Variants in PAK1 observed in about 807,000 individuals in gnomAD.
PAK1 encodes the protein serine/threonine-protein kinase PAK 1.
Under a neutral mutation model 67.4 loss-of-function variants are expected in PAK1, and 29 were observed. The ratio of observed to expected loss-of-function variants is 0.43; its 90% CI spans 0.32 to 0.59. The LOEUF (loss-of-function observed/expected upper bound fraction) is 0.59, where lower values mean the gene tolerates loss of function less well. Among genes scored for constraint, PAK1 ranks in the 20% least tolerant of loss-of-function variants. PAK1 has a pLI of 0.07. For synonymous variants in PAK1, 223 were observed against 237.4 expected (o/e 0.94, Z 0.56); for missense variants, 337 against 670.7 (o/e 0.50, Z 5.50).
chr11:77,470,262 G>A (rs550381318), intron 1 of PAK1, among the ~76,000 whole-genome samples: 16 of 152,286 alleles, frequency 1.1e-4, no homozygotes, highest in African/African-American at 3.6e-4. Context: ...AAGTCTGCCT[G>A]TCAAAATGAT....
intron 13 of PAK1, 56 bp from the exon 14 acceptor site, chr11:77,332,923 C>T (rs540352461): frequency 1.4e-5 from 22 of 1,548,588 alleles, no homozygotes; most frequent in Non-Finnish European, 1.8e-5. Context: ...TCTCTTGTTC[C>T]CCATATACAA....
intron 1 of PAK1, among the ~76,000 whole-genome samples, chr11:77,440,323 C>T (rs571157480): frequency 9.9e-5 from 15 of 152,064 alleles, no homozygotes; most frequent in African/African-American, 3.4e-4. Flanking sequence ...TAGTGTGAGG[C>T]CAGGAGTTTT....
At chr11:77,384,252 G>A (rs1950184298) in intron 2 of PAK1, among the ~76,000 whole-genome samples, 1 of 152,178 alleles carries the variant, frequency 6.6e-6, no homozygotes, top group Admixed American at 6.5e-5. Context: ...CAAAGCACAT[G>A]ACTGCAGGCA....
At chr11:77,515,004 T>C in the PAK1 span, 1 of 152,218 alleles carries the variant, frequency 6.6e-6, no homozygotes, top group East Asian at 1.9e-4. Flanking sequence ...AGAAAAGTCC[T>C]TCTAATTAGC....
chr11:77,487,264 C>A, the PAK1 span, among the ~76,000 whole-genome samples: 4 of 152,120 alleles, frequency 2.6e-5, no homozygotes, highest in Non-Finnish European at 4.4e-5. Flanking sequence ...TCATCATCTG[C>A]TGACTATACA....
chr11:77,493,053 G>A, the PAK1 span, among the ~76,000 whole-genome samples: 4 of 152,072 alleles, frequency 2.6e-5, no homozygotes, highest in African/African-American at 9.7e-5. Context: ...ATAGCAATGC[G>A]AGAATGGACT....
At position 77,431,640 on chromosome 11, in the gene PAK1, C is replaced by A. The variant is rs116533949; in HGVS notation, c.-21-39099G>T. 3.1e-3 allele frequency among the ~76,000 whole-genome samples: 471 copies of A among 152,258 alleles called. 4 individuals carry two copies. Among genetic ancestry groups the A allele is most frequent in the African/African-American group, 0.011 (439 of 41,544 alleles). On this transcript the variant is annotated intron_variant, in intron 1 of 14. Coordinates refer to ENST00000356341, the MANE Select transcript of PAK1 (RefSeq NM_002576.5). The stretch of plus-strand genomic sequence containing the variant: ...AGAAAGAAGTAAAGCATCTTTCCCC[C>A]ACTCTGAACCAGAACAGGAAGACTC...
chr11:77,489,111 G>C, the PAK1 span, among the ~76,000 whole-genome samples: 1 of 152,194 alleles, frequency 6.6e-6, no homozygotes, highest in South Asian at 2.1e-4. Context: ...AGGCTTTTCA[G>C]TGGAAATCTT....
the PAK1 span, among the ~76,000 whole-genome samples, chr11:77,512,268 TC>T: frequency 6.6e-6 from 1 of 152,036 alleles, no homozygotes; most frequent in South Asian, 2.1e-4. Flanking sequence ...CAGTTTTCCC[TC>T]CCCTCCCCCT....
At chr11:77,457,497 C>T (rs933527099) in intron 1 of PAK1, among the ~76,000 whole-genome samples, 2 of 152,062 alleles carry the variant, frequency 1.3e-5, no homozygotes, top group East Asian at 3.9e-4. Flanking sequence ...CATTAAGGGG[C>T]GCATTAGCAT....
chr11:77,397,053 C>T (rs920934183), intron 1 of PAK1: 1 of 152,180 alleles, frequency 6.6e-6, no homozygotes, highest in Non-Finnish European at 1.5e-5. Flanking sequence ...TCTCTGTAGA[C>T]CAAAAGTTTG....
At chr11:77,464,996 G>A (rs1358910577) in intron 1 of PAK1, among the ~76,000 whole-genome samples, 1 of 143,070 alleles carries the variant, frequency 7.0e-6, no homozygotes, top group African/African-American at 2.7e-5. Context: ...AAGAGTGTGT[G>A]TGTGTGTGTG....
chr11:77,478,435 A>G (rs1164008185), upstream of PAK1, among the ~76,000 whole-genome samples: 1 of 152,006 alleles, frequency 6.6e-6, no homozygotes, highest in Non-Finnish European at 1.5e-5. Context: ...ATGAGCCATT[A>G]CTCCAAAGAG....
chr11:77,512,787 T>A, the PAK1 span, among the ~76,000 whole-genome samples: 33 of 152,214 alleles, frequency 2.2e-4, no homozygotes, highest in Non-Finnish European at 3.7e-4. Context: ...TGTATCTGCA[T>A]ATTATAAAGA....
upstream of PAK1, chr11:77,475,557 C>A (rs1958048732): frequency 6.6e-6 from 1 of 152,218 alleles, no homozygotes; most frequent in Admixed American, 6.5e-5. Context: ...TCCAAGCACA[C>A]TGAAATATTA....
intron 6 of PAK1, among the ~76,000 whole-genome samples, chr11:77,358,030 G>C (rs1166037095): frequency 6.6e-6 from 1 of 152,138 alleles, no homozygotes; most frequent in Non-Finnish European, 1.5e-5. Context: ...GATTCTGTTT[G>C]TAAGTTCTCA....
intron 1 of PAK1, among the ~76,000 whole-genome samples, chr11:77,451,317 G>C (rs1485667168): frequency 6.6e-6 from 1 of 152,136 alleles, no homozygotes; most frequent in Non-Finnish European, 1.5e-5. Context: ...ATTCCCAGAG[G>C]AAAGCCTCAT....
chr11:77,449,237 T>C (rs1395115075), intron 1 of PAK1, among the ~76,000 whole-genome samples: 1 of 152,066 alleles, frequency 6.6e-6, no homozygotes, highest in Non-Finnish European at 1.5e-5. Context: ...CACAATTCAA[T>C]TCAACCTCAA....
chr11:77,440,353 T>C (rs756824912), intron 1 of PAK1, among the ~76,000 whole-genome samples: 17 of 151,892 alleles, frequency 1.1e-4, no homozygotes, highest in Non-Finnish European at 1.9e-4. Context: ...CTAGGCAAAA[T>C]AGTGAGACCC....
Sources: gnomAD v4.1 joint callset for allele counts (sites outside exome capture counted in the v4.1 genomes callset) on GRCh38, gnomAD v4.1.1 for gene constraint, MANE v1.5 for transcripts, NCBI Gene and HGNC (gene_info 2026-07-23, HGNC 2026-07-21) for gene names.